Variants in LUC7L observed in about 807,000 individuals in gnomAD.
LUC7L encodes putative RNA-binding protein Luc7-like 1.
Under a neutral mutation model 51.1 loss-of-function variants are expected in LUC7L, and 29 were observed. That is an observed-to-expected ratio of 0.57 (90% CI 0.42 to 0.77). The LOEUF (loss-of-function observed/expected upper bound fraction) is 0.77. LUC7L is among the 30% of genes least tolerant of loss of function. The probability of loss-of-function intolerance (pLI) is 0.00; values close to 1 mark genes in which losing one functional copy is unlikely to be tolerated. For missense variants in LUC7L, 403 were observed against 511.9 expected, an observed-to-expected ratio of 0.79 and a Z score of 2.05; for synonymous variants, 181 against 180.7, an observed-to-expected ratio of 1.00 and a Z score of -0.01.
intron 3 of LUC7L, chr16:220,393 G>A (rs2049931819): frequency 5.2e-6 from 2 of 383,530 alleles, no homozygotes; most frequent in East Asian, 4.8e-5. Context: ...CACTGTTCAA[G>A]GACTCATAAA....
At position 190,129 on chromosome 16, in the gene LUC7L, G is replaced by C; in HGVS notation, c.813C>G (p.Arg271=). The change falls in exon 9 of 10, where the codon CGC becomes CGG. Residue 271 remains arginine (R), a synonymous_variant. Coordinates refer to ENST00000293872, the MANE Select transcript of LUC7L (RefSeq NM_201412.3). ...ACCGCCTCCGACGCCGATCCCGGGA[G>C]CGTGACCTGAACAATCAGAAGGCTC... ...GSRTRDRRRS[R]SRDRRRRRSR... 6.2e-7 allele frequency: 1 copy of C among 1,610,212 alleles called. No individual in the cohort carries two copies. Among genetic ancestry groups the C allele is most frequent in the East Asian group, 2.2e-5 (1 of 44,852 alleles).
chr16:200,043 C>G (rs1213886163), intron 5 of LUC7L, among the ~76,000 whole-genome samples: 1 of 152,064 alleles, frequency 6.6e-6, no homozygotes. Flanking sequence ...GTAATCCCAG[C>G]ATTCCGAGGC....
At position 227,297 on chromosome 16, in the gene LUC7L, C is replaced by T. The variant is rs767177663; in HGVS notation, c.101G>A (p.Arg34His). The change falls in exon 2 of 10, where the codon CGT becomes CAT. Residue 34 changes from arginine (R) to histidine (H), a missense_variant. Arg to His is a conservative substitution (Grantham distance 29). Around this residue, in one of 3 missense-constraint regions of LUC7L, gnomAD observed 182 missense variants for 248.4 expected, o/e 0.73. Transcript: ENST00000293872. The stretch of plus-strand genomic sequence containing the variant: ...GTCCAGAAGGTGACTCTTGCAGACA[C>T]GGTCATCTGTAAACTTGACCCTCTG... ...TRQRVKFTDD[R>H]VCKSHLLDCC... The T allele has an allele frequency of 3.9e-5, 63 of 1,612,440 alleles. No homozygotes were observed. The highest frequency in any genetic ancestry group is 3.5e-4 in the South Asian group (32 of 90,688).
chr16:199,435 C>T (rs916576965), intron 5 of LUC7L, among the ~76,000 whole-genome samples, 197 bp from the exon 6 acceptor site: 1 of 152,140 alleles, frequency 6.6e-6, no homozygotes, highest in Non-Finnish European at 1.5e-5. Flanking sequence ...CAGGCACGGT[C>T]CCAGCACTTT....
intron 9 of LUC7L, chr16:189,726 T>G (rs2048959066): frequency 3.6e-6 from 5 of 1,379,322 alleles, no homozygotes; most frequent in Non-Finnish European, 3.7e-6. Context: ...GACGCAACAG[T>G]GCACAGGCCC....
At chr16:212,654 G>A (rs1341451817) in intron 3 of LUC7L, among the ~76,000 whole-genome samples, 1 of 152,044 alleles carries the variant, frequency 6.6e-6, no homozygotes, top group East Asian at 1.9e-4. Context: ...GCCCATATAT[G>A]TTGTTTTGAA....
At chr16:217,390 C>T (rs1053118280) in intron 3 of LUC7L, among the ~76,000 whole-genome samples, 15 of 152,072 alleles carry the variant, frequency 9.9e-5, no homozygotes, top group African/African-American at 2.9e-4. Flanking sequence ...CAAATATATA[C>T]ACCTATTATG....
chr16:190,067 C>T lies in LUC7L; in HGVS notation c.875G>A (p.Arg292Gln), dbSNP rs1567170273. 9.9e-6 allele frequency: 16 copies of T among 1,613,476 alleles called. No individual in the cohort carries two copies. Among genetic ancestry groups the T allele is most frequent in the African/African-American group, 4.0e-5 (3 of 74,878 alleles). ...CCGATGTCTATCTCGGGACCGGGAC[C>T]GGGACAATTTCCGTCGCTCTCGGGA... is the stretch of plus-strand genomic sequence containing the variant. ...STSRERRKLS[R>Q]SRSRDRHRRH... Residue 292 changes from arginine (R) to glutamine (Q), a missense_variant, in exon 9 of 10, where the codon CGG (arginine) becomes CAG (glutamine). By Grantham distance (43) the Arg-to-Gln change is conservative (BLOSUM62 1). Around this residue, in one of 3 missense-constraint regions of LUC7L, gnomAD observed 206 missense variants for 218.3 expected, o/e 0.94. Coordinates refer to ENST00000293872, the MANE Select transcript of LUC7L (RefSeq NM_201412.3).
chr16:208,999 G>C (rs1449760086), intron 3 of LUC7L: 1 of 151,636 alleles, frequency 6.6e-6, no homozygotes, highest in African/African-American at 2.4e-5. Context: ...TTCAAGACCA[G>C]TCTAGCCAAC....
At chr16:197,111 T>C (rs1212648224) in intron 6 of LUC7L, among the ~76,000 whole-genome samples, 1 of 151,524 alleles carries the variant, frequency 6.6e-6, no homozygotes, top group East Asian at 1.9e-4. Flanking sequence ...TTTCACCTTG[T>C]TAGCCAGGAT....
At chr16:200,296 C>T (rs961729586) in intron 5 of LUC7L, among the ~76,000 whole-genome samples, 1 of 147,632 alleles carries the variant, frequency 6.8e-6, no homozygotes, top group South Asian at 2.2e-4. Flanking sequence ...TGGTGGCGGG[C>T]GCCTGTAGTC....
chr16:197,084 T>G (rs1266704208), intron 6 of LUC7L, among the ~76,000 whole-genome samples: 5 of 151,312 alleles, frequency 3.3e-5, no homozygotes, highest in African/African-American at 1.2e-4. Flanking sequence ...ATTTTTGTAT[T>G]TTTAGTAGAG....
At chr16:195,139 G>A (rs1334918794) in intron 6 of LUC7L, among the ~76,000 whole-genome samples, 1 of 152,120 alleles carries the variant, frequency 6.6e-6, no homozygotes, top group Non-Finnish European at 1.5e-5. Flanking sequence ...TTTAAGGATG[G>A]CATTTAAGCC....
At chr16:197,946 C>T (rs1422106156) in intron 6 of LUC7L, among the ~76,000 whole-genome samples, 1 of 152,120 alleles carries the variant, frequency 6.6e-6, no homozygotes, top group Non-Finnish European at 1.5e-5. Context: ...ATACGTCCAA[C>T]CTTCCTTCTT....
intron 1 of LUC7L, chr16:228,871 C>A (rs898120475): frequency 6.1e-6 from 8 of 1,309,300 alleles, no homozygotes; most frequent in African/African-American, 1.5e-5. Flanking sequence ...ATCCGGCTCC[C>A]TCGGGTGTAG....
chr16:193,480 A>G (rs1356696618), intron 6 of LUC7L, among the ~76,000 whole-genome samples: 3 of 151,982 alleles, frequency 2.0e-5, no homozygotes, highest in African/African-American at 4.8e-5. Flanking sequence ...AATGAAGAAG[A>G]TAACACATGA....
intron 2 of LUC7L, 112 bp from the exon 3 acceptor site, chr16:220,859 C>T (rs893670153): frequency 8.8e-6 from 6 of 685,248 alleles, no homozygotes; most frequent in African/African-American, 7.2e-5. Flanking sequence ...TTTTGGAACA[C>T]TGACACTGCA....
At chr16:203,123 G>A (rs552462836) in intron 5 of LUC7L, among the ~76,000 whole-genome samples, 6 of 152,258 alleles carry the variant, frequency 3.9e-5, no homozygotes, top group Admixed American at 6.5e-5. Flanking sequence ...ACTCCAGCCT[G>A]GGCAACAGAG....
Position 206,054 on chromosome 16 carries a change from T to C in LUC7L, c.460A>G (p.Lys154Glu). The C allele has an allele frequency of 6.2e-7, 1 of 1,613,832 alleles. No individual in the cohort carries two copies. The highest frequency in any genetic ancestry group is 8.5e-7 in the Non-Finnish European group (1 of 1,179,948). ...ACTTTTTCCACTTCCATAAGAATCTTCTGGGATTCATCCACATTACCTTCA... is the reference window on the plus strand; with the variant it reads ...ACTTTTTCCACTTCCATAAGAATCTCCTGGGATTCATCCACATTACCTTCA... The part of the protein sequence containing the change: ...GAEGNVDESQ[K>E]ILMEVEKVRA... Residue 154 changes from lysine to glutamate, a missense_variant, in exon 5 of 10, where the codon AAG becomes GAG. By Grantham distance (56) the Lys-to-Glu change is moderately conservative. This residue lies in a region of LUC7L where 182 missense variants were observed against 248.4 expected (regional missense o/e 0.73). Transcript: ENST00000293872.
Sources: allele counts gnomAD v4.1 joint callset (sites outside exome capture counted in the v4.1 genomes callset), GRCh38; gene constraint gnomAD v4.1.1; regional missense constraint gnomAD v4.1.1; transcripts MANE v1.5; gene names NCBI Gene and HGNC (gene_info 2026-07-23, HGNC 2026-07-21).